RASSF3: variants seen among roughly 807,000 people sequenced by gnomAD.
The protein encoded by RASSF3 is Ras association domain family member 3.
Under a neutral mutation model 19.9 loss-of-function variants are expected in RASSF3, and 19 were observed. That is an observed-to-expected ratio of 0.96 (90% CI 0.67 to 1.40). RASSF3 has a LOEUF of 1.40. Ranked by LOEUF, RASSF3 falls within the 40% of genes most tolerant of loss-of-function variation. The pLI is 0.00. For synonymous variants in RASSF3, 110 were observed against 104.2 expected (o/e 1.06, Z -0.34); for missense variants, 306 against 289.8 (o/e 1.06, Z -0.41).
intron 1 of RASSF3, among the ~76,000 whole-genome samples, chr12:64,629,060 T>A (rs1408345732): frequency 6.6e-6 from 1 of 151,084 alleles, no homozygotes; most frequent in Non-Finnish European, 1.5e-5. Context: ...TCAGCCTCCT[T>A]AGTAGCTGGG....
Position 64,628,218 on chromosome 12 carries a change from A to G in RASSF3, c.111+17475A>G, listed in dbSNP as rs1487133383. On this transcript the variant is annotated intron_variant, in intron 1 of 4. Coordinates refer to ENST00000542104, the MANE Select transcript of RASSF3 (RefSeq NM_178169.4). ...TTTCTTTCTTTTCCTTTTTCTAAGA[A>G]TGGATTTCATGTAAGCCAAAAGAAC... 3 of 152,160 alleles carry G rather than the reference A, an allele frequency of 2.0e-5. No individual in the cohort carries two copies. The East Asian group carries it at 5.8e-4, about 29-fold the overall frequency. 9.4% of individuals were successfully genotyped at this position (152,160 alleles called of 1,614,324 possible). A position where few individuals can be genotyped will look rare whatever the true frequency, so the allele number is the denominator to read the frequency against.
At chr12:64,651,670 G>A (rs901502891) in intron 1 of RASSF3, among the ~76,000 whole-genome samples, 22 of 151,898 alleles carry the variant, frequency 1.4e-4, no homozygotes, top group Non-Finnish European at 2.9e-5. Flanking sequence ...GGTTGTTGTT[G>A]TTTTTGTTTG....
At chr12:64,609,419 T>C (rs1430388270), upstream of RASSF3, 1 of 152,206 alleles carries the variant, frequency 6.6e-6, no homozygotes, top group Non-Finnish European at 1.5e-5. Context: ...TGGATGGACA[T>C]TTTCTCTTTT....
chr12:64,688,483 C>A, intron 3 of RASSF3, 30 bp downstream of exon 3: 1 of 1,483,548 alleles, frequency 6.7e-7, no homozygotes, highest in Non-Finnish European at 9.4e-7. Flanking sequence ...GGAAAATGGT[C>A]TGTGCTTCTA....
chr12:64,626,346 G>A (rs1451763150), intron 1 of RASSF3, among the ~76,000 whole-genome samples: 1 of 151,914 alleles, frequency 6.6e-6, no homozygotes, highest in African/African-American at 2.4e-5. Flanking sequence ...ACCAACCTGG[G>A]CCAACATGGT....
chr12:64,562,468 C>T (rs975759665), intron 2 of RASSF3, among the ~76,000 whole-genome samples: 2 of 152,140 alleles, frequency 1.3e-5, no homozygotes, highest in Admixed American at 1.3e-4. Flanking sequence ...AAATGCACTT[C>T]AGCATCAAAC....
intron 2 of RASSF3, among the ~76,000 whole-genome samples, chr12:64,599,611 T>C (rs1321701715): frequency 1.3e-5 from 2 of 152,118 alleles, no homozygotes; most frequent in Non-Finnish European, 2.9e-5. Context: ...CTGTGTAGTG[T>C]AGTGATCAGG....
At position 64,576,051 on chromosome 12, in the gene RASSF3, G is replaced by A. The variant is rs138535195; in HGVS notation, c.294+34346G>A. 2.2e-4 allele frequency among the ~76,000 whole-genome samples: 34 copies of A among 151,956 alleles called. No homozygotes were observed. The East Asian group carries it at 4.1e-3, about 18-fold the overall frequency. ...ATTACAGGCATGCACCACCATGCCC[G>A]GCTAATTTTATATTTTTAGTAGAGA... On this transcript the variant is annotated intron_variant, in intron 2 of 5. Coordinates refer to the RASSF3 transcript ENST00000637125.
chr12:64,663,944 T>C (rs1419083202), intron 1 of RASSF3, among the ~76,000 whole-genome samples: 2 of 146,956 alleles, frequency 1.4e-5, no homozygotes, highest in East Asian at 2.0e-4. Flanking sequence ...ATATAAAATA[T>C]AGAATATCTC....
chr12:64,543,321 C>A (rs1454475107), downstream of RASSF3, among the ~76,000 whole-genome samples: 1 of 151,292 alleles, frequency 6.6e-6, no homozygotes, highest in Non-Finnish European at 1.5e-5. Context: ...CAGTGCCGGC[C>A]CACCAGCGCT....
intron 1 of RASSF3, 27 bp downstream of exon 1, chr12:64,610,770 G>A (rs117122731): frequency 0.18 from 271,488 of 1,504,114 alleles, 26,725 homozygotes; most frequent in Non-Finnish European, 0.2. Flanking sequence ...GGGCGCTGCA[G>A]CCCGCGCCCC....
In RASSF3 at chr12:64,691,414, A is replaced by G. The variant is rs1868278110; in HGVS notation, c.458-56A>G. 4.3e-6 allele frequency: 5 copies of G among 1,153,022 alleles called. No homozygotes were observed. In the South Asian group the frequency reaches 5.0e-5, roughly 11 times the overall value. 71.4% of individuals were successfully genotyped at this position (1,153,022 alleles called of 1,614,324 possible). A position where few individuals can be genotyped will look rare whatever the true frequency, so the allele number is the denominator to read the frequency against. The stretch of plus-strand genomic sequence containing the variant: ...CTGGAGGAGGGGATCACAATGGGGA[A>G]GTGGTCTCAGGAATGGCTGAATACT... On this transcript the variant is annotated intron_variant, in intron 3 of 4. Transcript: ENST00000542104.
rs541225839 is a variant in RASSF3 at position 64,616,873 on chromosome 12, A to C, written c.111+6130A>C. Among the ~76,000 whole-genome samples the C allele has an allele frequency of 2.4e-4, 36 of 152,360 alleles. No individual in the cohort carries two copies. The East Asian group carries it at 6.9e-3, about 29-fold the overall frequency. ...TCCTTTCAGGCCCCATCGCCATCTC[A>C]GAACCATGGCCTGGAGTTGCCGCCC... On this transcript the variant is annotated intron_variant, in intron 1 of 4. Coordinates refer to ENST00000542104, the MANE Select transcript of RASSF3 (RefSeq NM_178169.4).
chr12:64,532,236 C>T (rs1023489311), upstream of RASSF3, among the ~76,000 whole-genome samples: 13 of 152,294 alleles, frequency 8.5e-5, no homozygotes, highest in African/African-American at 3.1e-4. Context: ...ATTTACAGGC[C>T]TGGTTGAAGA....
intron 1 of RASSF3, among the ~76,000 whole-genome samples, chr12:64,672,636 G>A (rs945649192): frequency 1.3e-5 from 2 of 152,076 alleles, no homozygotes; most frequent in African/African-American, 4.8e-5. Flanking sequence ...AGCTTCCCAA[G>A]TAGCTGGAAC....
intron 1 of RASSF3, among the ~76,000 whole-genome samples, chr12:64,624,364 C>G (rs1473071665): frequency 3.3e-5 from 5 of 151,932 alleles, no homozygotes; most frequent in Non-Finnish European, 7.4e-5. Flanking sequence ...CTATGTAGGG[C>G]ACCCTGTGTT....
At chr12:64,599,785 C>T (rs1184412298) in intron 2 of RASSF3, among the ~76,000 whole-genome samples, 1 of 152,160 alleles carries the variant, frequency 6.6e-6, no homozygotes, top group Non-Finnish European at 1.5e-5. Flanking sequence ...GTAATCCCAG[C>T]ACTTTGGGAG....
intron 1 of RASSF3, among the ~76,000 whole-genome samples, chr12:64,507,741 A>G (rs1278952954): frequency 6.6e-6 from 1 of 152,218 alleles, no homozygotes; most frequent in Middle Eastern, 3.2e-3. Flanking sequence ...TCCTTTCCAT[A>G]GAAAACTAAA....
chr12:64,684,735 C>CGG, intron 1 of RASSF3, 52 bp from the exon 2 acceptor site: 1 of 1,294,914 alleles, frequency 7.7e-7, no homozygotes, highest in Non-Finnish European at 1.1e-6. Flanking sequence ...CCGGCCTATC[C>CGG]GCACTTTTTT....
Sources: gnomAD v4.1 joint callset for allele counts (sites outside exome capture counted in the v4.1 genomes callset) on GRCh38, gnomAD v4.1.1 for gene constraint, MANE v1.5 for transcripts, NCBI Gene and HGNC (gene_info 2026-07-23, HGNC 2026-07-21) for gene names.